Variants in CLDN19 observed in about 807,000 individuals in gnomAD.
CLDN19 encodes claudin-19.
Under a neutral mutation model 24.5 loss-of-function variants are expected in CLDN19, and 19 were observed. The ratio of observed to expected loss-of-function variants is 0.78; its 90% CI spans 0.54 to 1.14. The LOEUF is 1.14. Among genes scored for constraint, CLDN19 ranks in the 50% most tolerant of loss-of-function variants. The probability of loss-of-function intolerance (pLI) is 0.00; values close to 1 mark genes in which losing one functional copy is unlikely to be tolerated. For missense variants in CLDN19, 250 were observed against 295.9 expected (o/e 0.84, Z 1.14); for synonymous variants, 117 against 129.6 (o/e 0.90, Z 0.66).
rs571260727 is a variant in CLDN19, at chr1:42,735,561, G to A, written c.626+317C>T. 8.0e-5 allele frequency: 113 copies of A among 1,421,302 alleles called. 1 individual carries two copies. In the East Asian group the frequency reaches 1.7e-3, roughly 22 times the overall value. The allele number at this position is 1,421,302 out of a possible 1,614,324, so 88.0% of individuals were successfully genotyped here. On this transcript the variant is annotated intron_variant, in intron 4 of 4. Coordinates refer to ENST00000296387, the MANE Select transcript of CLDN19 (RefSeq NM_148960.3). ...AGACACCCAAGCAGCTCTTCAGTGA[G>A]TAAACAGCCGGGCTGGTGCCTGAGG...
chr1:42,735,954 A>C lies in CLDN19; in HGVS notation c.550T>G (p.Cys184Gly). Reference sequence around the variant, plus strand: ...GGTCTCTCTGGCTCCGGGCATGTGCAGCAGAGGAAGGAGCCGCCCAGCACG... The same window carrying C: ...GGTCTCTCTGGCTCCGGGCATGTGCCGCAGAGGAAGGAGCCGCCCAGCACG... ...LAVLGGSFLC[C>G]TCPEPERPNS... The change falls in exon 4 of 5, where the codon TGC becomes GGC. Residue 184 changes from cysteine (C) to glycine (G), a missense_variant. Cys to Gly is a radical substitution (Grantham distance 159). Transcript: ENST00000296387. 1 of 1,577,368 alleles carries C rather than the reference A, an allele frequency of 6.3e-7. No individual in the cohort carries two copies. Among genetic ancestry groups the C allele is most frequent in the Non-Finnish European group, 8.6e-7 (1 of 1,161,746 alleles).
chr1:42,739,831 T>TG lies in CLDN19; in HGVS notation c.223+9dup. On this transcript the variant is annotated intron_variant, in intron 1 of 4. Coordinates refer to ENST00000296387, the MANE Select transcript of CLDN19 (RefSeq NM_148960.3). ...CCTCCCATCTCCCACCCCGCCGGCC[T>TG]GGGGCCTACCGTCCAGGGCGAGCAG... The TG allele has an allele frequency of 6.2e-7, 1 of 1,611,834 alleles. No homozygotes were observed. Among genetic ancestry groups the TG allele is most frequent in the Non-Finnish European group, 8.5e-7 (1 of 1,179,226 alleles).
At position 42,739,851 on chromosome 1, in the gene CLDN19, G is replaced by A. The variant is rs780841156; in HGVS notation, c.213C>T (p.Leu71=). Reference sequence around the variant, plus strand: ...CGGCCTGGGGCCTACCGTCCAGGGCGAGCAGCGAGTCGTAGAGCTTGCACT... The same window carrying A: ...CGGCCTGGGGCCTACCGTCCAGGGCAAGCAGCGAGTCGTAGAGCTTGCACT... ...QVQCKLYDSL[L]ALDGHIQSAR... Residue 71 remains leucine, a synonymous_variant, in exon 1 of 5, where the codon CTC becomes CTT. Transcript: ENST00000296387. The A allele has an allele frequency of 3.6e-5, 58 of 1,612,732 alleles. No individual in the cohort carries two copies. The highest frequency in any genetic ancestry group is 4.6e-5 in the Non-Finnish European group (54 of 1,179,754).
intron 3 of CLDN19, among the ~76,000 whole-genome samples, chr1:42,737,731 G>A (rs982990531): frequency 3.3e-5 from 5 of 152,242 alleles, no homozygotes; most frequent in Admixed American, 3.3e-4. Flanking sequence ...CACCCAGACT[G>A]GAGTGCAGTG....
intron 3 of CLDN19, among the ~76,000 whole-genome samples, chr1:42,737,302 C>T (rs1651402702): frequency 6.6e-6 from 1 of 152,248 alleles, no homozygotes; most frequent in Admixed American, 6.5e-5. Context: ...TCACTCCCTC[C>T]CCACCATTCT....
In CLDN19 at chr1:42,734,896, T is replaced by A; in HGVS notation, c.*190A>T. 5 of 621,914 alleles carry A rather than the reference T, an allele frequency of 8.0e-6. No individual in the cohort carries two copies. In the South Asian group the frequency reaches 9.8e-5, roughly 12 times the overall value. The allele number at this position is 621,914 out of a possible 1,614,324, so 38.5% of individuals were successfully genotyped here. ...ATGTAACCCACCCTGGACCTCTGTC[T>A]CCTCATCTTTCTGCCCAAGAGCCCC... On this transcript the variant is annotated 3_prime_UTR_variant, in exon 5 of 5. Coordinates refer to ENST00000296387, the MANE Select transcript of CLDN19 (RefSeq NM_148960.3).
rs747223067 is a variant in CLDN19, at chr1:42,735,986, C to T, written c.518G>A (p.Gly173Asp). Residue 173 changes from glycine to aspartate, a missense_variant, in exon 4 of 5, where the codon GGC becomes GAC. By Grantham distance (94) the Gly-to-Asp change is moderately conservative. Coordinates refer to ENST00000296387, the MANE Select transcript of CLDN19 (RefSeq NM_148960.3). ...PALFVGWASA[G>D]LAVLGGSFLC... ...GAAGGAGCCGCCCAGCACGGCCAGG[C>T]CAGCTGAGGCCCAGCCCACGAACAG... is the stretch of plus-strand genomic sequence containing the variant. 1.9e-6 allele frequency: 3 copies of T among 1,575,194 alleles called. No individual in the cohort carries two copies. Among genetic ancestry groups the T allele is most frequent in the Non-Finnish European group, 2.6e-6 (3 of 1,161,310 alleles).
chr1:42,739,428 G>T (rs1045836684), intron 1 of CLDN19, among the ~76,000 whole-genome samples: 3 of 152,248 alleles, frequency 2.0e-5, no homozygotes, highest in Admixed American at 1.3e-4. Flanking sequence ...TGGCACACAG[G>T]CCTGGGAGCA....
At chr1:42,736,613 T>C (rs1391872645) in intron 3 of CLDN19, among the ~76,000 whole-genome samples, 1 of 152,186 alleles carries the variant, frequency 6.6e-6, no homozygotes. Flanking sequence ...CCCCTGTTCC[T>C]TCTCTGCCTT....
At chr1:42,735,730 T>C in intron 4 of CLDN19, 148 bp downstream of exon 4, 1 of 1,473,362 alleles carries the variant, frequency 6.8e-7, no homozygotes, top group Non-Finnish European at 9.0e-7. Flanking sequence ...GCAGGGTGGG[T>C]GCTTGTGTTG....
intron 3 of CLDN19, 28 bp downstream of exon 3, chr1:42,738,201 A>T (rs1160356438): frequency 6.3e-7 from 1 of 1,581,910 alleles, no homozygotes; most frequent in Non-Finnish European, 8.7e-7. Context: ...GAGGAGGTAA[A>T]GCAAAAGACC....
intron 3 of CLDN19, among the ~76,000 whole-genome samples, chr1:42,736,507 G>A (rs4660659): frequency 6.6e-6 from 1 of 151,960 alleles, no homozygotes; most frequent in South Asian, 2.1e-4. Context: ...CTGCTGGCCA[G>A]GCCAGCCCTG....
At chr1:42,736,750 G>A (rs534644665) in intron 3 of CLDN19, among the ~76,000 whole-genome samples, 11 of 152,314 alleles carry the variant, frequency 7.2e-5, no homozygotes, top group African/African-American at 2.6e-4. Flanking sequence ...TGCTTGTCCG[G>A]CTCCCTGGGA....
Position 42,734,883 on chromosome 1 carries a change from C to T in CLDN19, c.*203G>A. 1 of 614,482 alleles carries T rather than the reference C, an allele frequency of 1.6e-6. No individual in the cohort carries two copies. Among genetic ancestry groups the T allele is most frequent in the Non-Finnish European group, 3.0e-6 (1 of 336,702 alleles). 38.1% of individuals were successfully genotyped at this position (614,482 alleles called of 1,614,324 possible). A position where few individuals can be genotyped will look rare whatever the true frequency, so the allele number is the denominator to read the frequency against. ...CCCTGGATGTGCTATGTAACCCACC[C>T]TGGACCTCTGTCTCCTCATCTTTCT... is the stretch of plus-strand genomic sequence containing the variant. On this transcript the variant is annotated 3_prime_UTR_variant, in exon 5 of 5. Transcript: ENST00000296387.
At chr1:42,738,901 C>T (rs958804001) in intron 1 of CLDN19, among the ~76,000 whole-genome samples, 1 of 152,154 alleles carries the variant, frequency 6.6e-6, no homozygotes, top group African/African-American at 2.4e-5. Context: ...TCCTCCCAAG[C>T]AGCTGAGGGC....
chr1:42,734,851 T>C lies in CLDN19; in HGVS notation c.*235A>G, dbSNP rs2124030579. 5.4e-6 allele frequency: 3 copies of C among 559,110 alleles called. No homozygotes were observed. Among genetic ancestry groups the C allele is most frequent in the East Asian group, 2.9e-5 (1 of 34,304 alleles). 34.6% of individuals were successfully genotyped at this position (559,110 alleles called of 1,614,324 possible). A position where few individuals can be genotyped will look rare whatever the true frequency, so the allele number is the denominator to read the frequency against. ...AGGGTAGGACCTCTGAATTATTTCT[T>C]GCTTAGCCCTGGATGTGCTATGTAA... On this transcript the variant is annotated 3_prime_UTR_variant, in exon 5 of 5. Transcript: ENST00000296387.
In CLDN19 at chr1:42,735,392, G is replaced by A. The variant is rs146829937; in HGVS notation, c.627-258C>T. ...AGACCCTCCCTGTCCTTGTGTGAAC[G>A]TTCAGCATCCCGGCACTGCCCTTGT... On this transcript the variant is annotated intron_variant, in intron 4 of 4. Transcript: ENST00000296387. The A allele has an allele frequency of 7.5e-4, 1,068 of 1,427,054 alleles. 7 individuals are homozygous for A. In the African/African-American group the frequency reaches 0.014, roughly 18 times the overall value. 88.4% of individuals were successfully genotyped at this position (1,427,054 alleles called of 1,614,324 possible).
intron 3 of CLDN19, 151 bp from the exon 4 acceptor site, chr1:42,736,181 C>A: frequency 1.6e-6 from 1 of 619,132 alleles, no homozygotes; most frequent in Non-Finnish European, 2.9e-6. Context: ...GAGGTGAATG[C>A]TCTTCCTTTC....
chr1:42,735,183 C>A, intron 4 of CLDN19, 49 bp from the exon 5 acceptor site: 2 of 1,611,068 alleles, frequency 1.2e-6, no homozygotes, highest in South Asian at 2.2e-5. Flanking sequence ...GCTGTGGGGT[C>A]GGGGGCAGGG....
Sources: allele counts gnomAD v4.1 joint callset (sites outside exome capture counted in the v4.1 genomes callset), GRCh38; gene constraint gnomAD v4.1.1; transcripts MANE v1.5; gene names NCBI Gene and HGNC (gene_info 2026-07-23, HGNC 2026-07-21).